Variants in NSUN7 observed in about 807,000 individuals in gnomAD.
NSUN7 encodes the protein protein NSUN7.
In NSUN7, 39 loss-of-function variants were observed where a neutral mutation model predicts 58.5. That is an observed-to-expected ratio of 0.67 (90% CI 0.52 to 0.87). The LOEUF (loss-of-function observed/expected upper bound fraction) is 0.87. NSUN7 is among the 40% of genes least tolerant of loss of function. The pLI is 0.00. For synonymous variants in NSUN7, 278 were observed against 303.7 expected, an observed-to-expected ratio of 0.92 and a Z score of 0.88; for missense variants, 765 against 844.1, an observed-to-expected ratio of 0.91 and a Z score of 1.16.
chr4:40,805,110 C>CA (rs1743760161), intron 10 of NSUN7, among the ~76,000 whole-genome samples: 1 of 152,178 alleles, frequency 6.6e-6, no homozygotes, highest in Non-Finnish European at 1.5e-5. Flanking sequence ...TGCAGCCTGG[C>CA]ATTGCTTCCT....
intron 2 of NSUN7, among the ~76,000 whole-genome samples, chr4:40,753,881 T>G (rs1740966466): frequency 6.6e-6 from 1 of 152,138 alleles, no homozygotes; most frequent in Admixed American, 6.5e-5. Flanking sequence ...ACAAGCTCTC[T>G]TCCCTTGTCT....
rs755100382 is a variant in NSUN7 at position 40,750,974 on chromosome 4, C to A, written c.281C>A (p.Ala94Asp). The part of the protein sequence containing the change: ...QSFQRLSYEL[A>D]FSALKYQDIL... ...TTTCAGCGTTTGTCTTATGAGCTGGCTTTCAGTGCCCTGAAATGTGAGTTG... is the reference window on the plus strand; with the variant it reads ...TTTCAGCGTTTGTCTTATGAGCTGGATTTCAGTGCCCTGAAATGTGAGTTG... The change falls in exon 2 of 12, where the codon GCT becomes GAT. Residue 94 changes from alanine (A) to aspartate (D), a missense_variant. Coordinates refer to ENST00000381782, the MANE Select transcript of NSUN7 (RefSeq NM_024677.6). The A allele has an allele frequency of 2.5e-6, 4 of 1,613,810 alleles. No individual in the cohort carries two copies. In the South Asian group the frequency reaches 3.3e-5, roughly 13 times the overall value.
chr4:40,798,897 C>T lies in NSUN7; in HGVS notation c.1393C>T (p.Pro465Ser), dbSNP rs1315663012. 1.3e-6 allele frequency: 2 copies of T among 1,544,030 alleles called. No individual in the cohort carries two copies. Among genetic ancestry groups the T allele is most frequent in the East Asian group, 2.3e-5 (1 of 44,296 alleles). Reference protein sequence around the residue: ...EFQDLGNKGQPYRLSPPVLPL... With the variant: ...EFQDLGNKGQSYRLSPPVLPL... Reference sequence around the variant, plus strand: ...TCAAGACCTTGGGAATAAAGGACAACCTTACAGGTAAGAAAAGGAAGGATT... The same window carrying T: ...TCAAGACCTTGGGAATAAAGGACAATCTTACAGGTAAGAAAAGGAAGGATT... Residue 465 changes from proline to serine, a missense_variant, in exon 10 of 12, where the codon CCT (proline) becomes TCT (serine). Coordinates refer to ENST00000381782, the MANE Select transcript of NSUN7 (RefSeq NM_024677.6).
At chr4:40,790,890 C>T (rs1743048415) in intron 8 of NSUN7, 145 bp downstream of exon 8, 1 of 607,292 alleles carries the variant, frequency 1.6e-6, no homozygotes, top group Non-Finnish European at 2.7e-6. Context: ...GTATAAAGTC[C>T]TTTACCTCTG....
chr4:40,765,001 TTG>T (rs1741646990), intron 4 of NSUN7, among the ~76,000 whole-genome samples: 1 of 149,646 alleles, frequency 6.7e-6, no homozygotes, highest in Admixed American at 6.7e-5. Context: ...GATGAGTAGG[TTG>T]TGAAAATTTT....
intron 7 of NSUN7, chr4:40,786,818 G>T: frequency 1.1e-5 from 13 of 1,154,388 alleles, no homozygotes; most frequent in Non-Finnish European, 1.6e-5. Flanking sequence ...TGCCCTCCTG[G>T]ATGCTATTAA....
rs1256071644 is a variant in NSUN7, at chr4:40,750,620, C to G, written c.-74C>G. 8 of 1,533,138 alleles carry G rather than the reference C, an allele frequency of 5.2e-6. No individual in the cohort carries two copies. The highest frequency in any genetic ancestry group is 4.1e-5 in the African/African-American group (3 of 73,096). The allele number at this position is 1,533,138 out of a possible 1,614,324, so 95.0% of individuals were successfully genotyped here. A position where few individuals can be genotyped will look rare whatever the true frequency, so the allele number is the denominator to read the frequency against. Reference sequence around the variant, plus strand: ...CTTCACAGAGACCATGCTGCAGATGCGAGGAAAGCCGTTTCCTGGAACATC... The same window carrying G: ...CTTCACAGAGACCATGCTGCAGATGGGAGGAAAGCCGTTTCCTGGAACATC... On this transcript the variant is annotated 5_prime_UTR_variant, in exon 2 of 12. Coordinates refer to ENST00000381782, the MANE Select transcript of NSUN7 (RefSeq NM_024677.6).
At chr4:40,791,410 A>G (rs746743176) in intron 8 of NSUN7, among the ~76,000 whole-genome samples, 13 of 152,202 alleles carry the variant, frequency 8.5e-5, no homozygotes, top group Non-Finnish European at 1.3e-4. Context: ...AAGTCTTCAC[A>G]AGAATTCTGT....
At chr4:40,787,196 G>A (rs1742867399) in intron 7 of NSUN7, among the ~76,000 whole-genome samples, 1 of 151,958 alleles carries the variant, frequency 6.6e-6, no homozygotes, top group Non-Finnish European at 1.5e-5. Flanking sequence ...GAAGGCCGCA[G>A]GGACCTCTGC....
intron 9 of NSUN7, among the ~76,000 whole-genome samples, chr4:40,796,537 G>A (rs1743332334): frequency 6.6e-6 from 1 of 151,764 alleles, no homozygotes; most frequent in African/African-American, 2.4e-5. Flanking sequence ...GACTGAAGTG[G>A]GAGGATTGCT....
rs1740734268 is a variant in NSUN7 at position 40,750,194 on chromosome 4, G to T, written c.-198G>T. ...GCTGCATTTGAACCAAACGGCCTTC[G>T]CGGGCAGCAGCCGTCGCCCCGCAGT... is the stretch of plus-strand genomic sequence containing the variant. On this transcript the variant is annotated 5_prime_UTR_variant, in exon 1 of 12. Coordinates refer to ENST00000381782, the MANE Select transcript of NSUN7 (RefSeq NM_024677.6). 6.5e-6 allele frequency: 1 copy of T among 153,392 alleles called. No homozygotes were observed. The highest frequency in any genetic ancestry group is 6.5e-5 in the Admixed American group (1 of 15,454). 9.5% of individuals were successfully genotyped at this position (153,392 alleles called of 1,614,324 possible).
chr4:40,762,641 C>A (rs1402750923), intron 4 of NSUN7: 1 of 152,188 alleles, frequency 6.6e-6, no homozygotes, highest in South Asian at 2.1e-4. Context: ...AAGCAGGGGT[C>A]CCCAACCCCA....
Position 40,798,920 on chromosome 4 carries a change from A to G in NSUN7, c.1400+16A>G. On this transcript the variant is annotated intron_variant, in intron 10 of 11. Coordinates refer to ENST00000381782, the MANE Select transcript of NSUN7 (RefSeq NM_024677.6). ...AACCTTACAGGTAAGAAAAGGAAGGATTCTTCTAAACAACTCAAACAAATA... is the reference window on the plus strand; with the variant it reads ...AACCTTACAGGTAAGAAAAGGAAGGGTTCTTCTAAACAACTCAAACAAATA... The G allele has an allele frequency of 2.3e-6, 3 of 1,313,306 alleles. No individual in the cohort carries two copies. Among genetic ancestry groups the G allele is most frequent in the Non-Finnish European group, 2.2e-6 (2 of 916,852 alleles). The allele number at this position is 1,313,306 out of a possible 1,614,324, so 81.4% of individuals were successfully genotyped here. A position where few individuals can be genotyped will look rare whatever the true frequency, so the allele number is the denominator to read the frequency against.
At chr4:40,781,765 T>A (rs1235840136) in intron 7 of NSUN7, among the ~76,000 whole-genome samples, 1 of 152,138 alleles carries the variant, frequency 6.6e-6, no homozygotes, top group Non-Finnish European at 1.5e-5. Flanking sequence ...TTTTAAAAGA[T>A]CAACTAAATG....
chr4:40,756,703 AATTC>A (rs1467417733), intron 2 of NSUN7, among the ~76,000 whole-genome samples: 1 of 152,160 alleles, frequency 6.6e-6, no homozygotes, highest in Non-Finnish European at 1.5e-5. Flanking sequence ...AAAACAACCT[AATTC>A]ATATGGTTGT....
Position 40,808,692 on chromosome 4 carries a change from C to T in NSUN7, c.1910C>T (p.Pro637Leu). 6.4e-7 allele frequency: 1 copy of T among 1,551,562 alleles called. No homozygotes were observed. The highest frequency in any genetic ancestry group is 8.7e-7 in the Non-Finnish European group (1 of 1,146,992). ...GAACGGCAGACACACTTCTTAAGAC[C>T]TCGGCCAGAAGACAGAATGGTTGCT... is the stretch of plus-strand genomic sequence containing the variant. ...PRERQTHFLRPRPEDRMVALK... is the reference protein window; with the variant it reads ...PRERQTHFLRLRPEDRMVALK... The change falls in exon 12 of 12, where the codon CCT becomes CTT. Residue 637 changes from proline to leucine, a missense_variant. Coordinates refer to ENST00000381782, the MANE Select transcript of NSUN7 (RefSeq NM_024677.6).
In NSUN7 at chr4:40,769,672, A is replaced by C. The variant is rs554247315; in HGVS notation, c.489-4593A>C. ...TTTGGGATAAGGCACATTTGCTCAG[A>C]TATATTCTTTTTCTTATCTTCCCCA... On this transcript the variant is annotated intron_variant, in intron 4 of 11. Transcript: ENST00000381782. Among the ~76,000 whole-genome samples the C allele has an allele frequency of 2.6e-5, 4 of 152,290 alleles. 1 individual carries two copies. The highest frequency in any genetic ancestry group is 9.6e-5 in the African/African-American group (4 of 41,578).
Position 40,800,661 on chromosome 4 carries a change from A to G in NSUN7, c.1400+1757A>G, listed in dbSNP as rs574446598. On this transcript the variant is annotated intron_variant, in intron 10 of 11. Transcript: ENST00000381782. The stretch of plus-strand genomic sequence containing the variant: ...GGCCCCTAAACATTTTTGAATAACT[A>G]TATATCTTGTTCTTTATTTTAGACT... Among the ~76,000 whole-genome samples the G allele has an allele frequency of 2.6e-5, 4 of 152,216 alleles. No individual in the cohort carries two copies. In the East Asian group the frequency reaches 7.7e-4, roughly 29 times the overall value.
intron 5 of NSUN7, 93 bp downstream of exon 5, chr4:40,774,510 G>A (rs1468200297): frequency 8.0e-6 from 10 of 1,249,854 alleles, no homozygotes; most frequent in Non-Finnish European, 1.0e-5. Context: ...GGTGGGGGTG[G>A]CACATCTAGG....
Sources: gnomAD v4.1 joint callset for allele counts (sites outside exome capture counted in the v4.1 genomes callset) on GRCh38, gnomAD v4.1.1 for gene constraint, MANE v1.5 for transcripts, NCBI Gene and HGNC (gene_info 2026-07-23, HGNC 2026-07-21) for gene names.